LRRC4C: variants seen among roughly 807,000 people sequenced by gnomAD.
LRRC4C encodes the protein leucine-rich repeat-containing protein 4C.
In LRRC4C, 5 loss-of-function variants were observed where a neutral mutation model predicts 33.6. That is an observed-to-expected ratio of 0.15 (90% CI 0.08 to 0.31). The LOEUF is 0.31. Ranked by LOEUF, LRRC4C falls within the 10% of genes least tolerant of loss-of-function variation. The pLI is 1.00. For missense variants in LRRC4C, 560 were observed against 796.7 expected (o/e 0.70, Z 3.58); for synonymous variants, 329 against 302.0 (o/e 1.09, Z -0.93).
intron 2 of LRRC4C, among the ~76,000 whole-genome samples, chr11:40,650,442 C>T (rs1359289793): frequency 6.6e-6 from 1 of 152,150 alleles, no homozygotes; most frequent in Admixed American, 6.5e-5. Context: ...AGTAACCAAT[C>T]TTCTTTTATG....
chr11:40,305,609 C>CAA (rs78364325), intron 4 of LRRC4C, among the ~76,000 whole-genome samples: 2 of 96,456 alleles, frequency 2.1e-5, no homozygotes, highest in Admixed American at 1.1e-4. Flanking sequence ...TTGTCAAATA[C>CAA]AAAAAAAAAA....
intron 1 of LRRC4C, among the ~76,000 whole-genome samples, chr11:41,225,082 T>C (rs1008801143): frequency 6.6e-6 from 1 of 151,908 alleles, no homozygotes; most frequent in African/African-American, 2.4e-5. Flanking sequence ...ATCAAAACAT[T>C]TTGAACACAT....
chr11:41,268,334 G>A (rs1024900342), intron 1 of LRRC4C, among the ~76,000 whole-genome samples: 3 of 152,084 alleles, frequency 2.0e-5, no homozygotes, highest in East Asian at 3.9e-4. Context: ...CTTGATCACA[G>A]CCTTGCAGAG....
At chr11:40,181,251 TACCATGCATAAC>T (rs1441238607) in intron 5 of LRRC4C, among the ~76,000 whole-genome samples, 4 of 152,068 alleles carry the variant, frequency 2.6e-5, no homozygotes, top group Admixed American at 6.5e-5. Context: ...CCCATTTGAG[TACCATGCATAAC>T]ACCACATATA....
intron 2 of LRRC4C, among the ~76,000 whole-genome samples, chr11:40,734,105 C>A (rs1012505324): frequency 6.6e-6 from 1 of 151,990 alleles, no homozygotes; most frequent in Non-Finnish European, 1.5e-5. Flanking sequence ...TTATAATGAA[C>A]CACAGTGTAA....
chr11:40,421,850 T>C (rs1196443729), intron 3 of LRRC4C, among the ~76,000 whole-genome samples: 1 of 152,150 alleles, frequency 6.6e-6, no homozygotes, highest in Non-Finnish European at 1.5e-5. Context: ...AGAGGGAAAA[T>C]TGGACCAAAA....
At chr11:40,460,290 C>T (rs145035254) in intron 3 of LRRC4C, among the ~76,000 whole-genome samples, 13 of 151,774 alleles carry the variant, frequency 8.6e-5, no homozygotes, top group Admixed American at 1.3e-4. Context: ...TTGAAAGGAA[C>T]GGAGGGATTT....
intron 1 of LRRC4C, among the ~76,000 whole-genome samples, chr11:41,108,263 G>T (rs114386342): frequency 2.0e-5 from 3 of 151,872 alleles, no homozygotes; most frequent in Non-Finnish European, 4.4e-5. Context: ...ATGTCCACAC[G>T]CCCATTTTCA....
chr11:40,945,260 T>C lies in LRRC4C; in HGVS notation c.-495-11537A>G, dbSNP rs1035152840. On this transcript the variant is annotated intron_variant, in intron 1 of 6. Transcript: ENST00000528697. ...TGGTCTCGATCTCCTGACCTCGTGA[T>C]CCACCCGTCTCGGCCTCCCAAAGTG... 8.6e-5 allele frequency among the ~76,000 whole-genome samples: 13 copies of C among 151,952 alleles called. No homozygotes were observed. In the East Asian group the frequency reaches 2.5e-3, roughly 30 times the overall value.
chr11:40,599,304 C>T (rs1959721018), intron 3 of LRRC4C, among the ~76,000 whole-genome samples: 1 of 151,720 alleles, frequency 6.6e-6, no homozygotes, highest in African/African-American at 2.4e-5. Flanking sequence ...AAAAAAAAAT[C>T]ACCAGGTTTC....
intron 3 of LRRC4C, among the ~76,000 whole-genome samples, chr11:40,541,547 G>A (rs1956707559): frequency 2.6e-5 from 4 of 152,048 alleles, no homozygotes; most frequent in Admixed American, 2.6e-4. Flanking sequence ...CCTTGCCTTG[G>A]GACTGGGTGG....
chr11:40,765,619 C>G (rs1208645819), intron 2 of LRRC4C, among the ~76,000 whole-genome samples: 3 of 151,770 alleles, frequency 2.0e-5, no homozygotes, highest in Admixed American at 1.3e-4. Flanking sequence ...ATAAATTTAA[C>G]AAAGTGATTA....
chr11:41,024,715 C>T (rs7125511), intron 1 of LRRC4C, among the ~76,000 whole-genome samples: 108,790 of 151,474 alleles, frequency 0.72, 39,366 homozygotes, highest in South Asian at 0.78. Flanking sequence ...TTCCCTGTTT[C>T]GTCTATAAAA....
At chr11:40,833,559 T>C (rs1952516186) in intron 2 of LRRC4C, among the ~76,000 whole-genome samples, 1 of 152,096 alleles carries the variant, frequency 6.6e-6, no homozygotes, top group Non-Finnish European at 1.5e-5. Context: ...CCTCATTTCA[T>C]TGCACCCAAG....
chr11:40,194,108 G>T (rs891436888), intron 5 of LRRC4C, among the ~76,000 whole-genome samples: 24 of 152,096 alleles, frequency 1.6e-4, no homozygotes, highest in African/African-American at 5.8e-4. Flanking sequence ...TACAGAGAAC[G>T]CCACAAAGAT....
chr11:41,381,334 T>A (rs973892255), intron 1 of LRRC4C, among the ~76,000 whole-genome samples: 1 of 152,064 alleles, frequency 6.6e-6, no homozygotes, highest in African/African-American at 2.4e-5. Flanking sequence ...TCAATATAGT[T>A]AAAGAACAAT....
At chr11:40,402,135 A>G (rs1949783380) in intron 3 of LRRC4C, among the ~76,000 whole-genome samples, 1 of 152,118 alleles carries the variant, frequency 6.6e-6, no homozygotes, top group Non-Finnish European at 1.5e-5. Flanking sequence ...AAAAGGGTTC[A>G]AAGACATGTC....
intron 3 of LRRC4C, among the ~76,000 whole-genome samples, chr11:40,535,920 A>T (rs998143336): frequency 1.1e-4 from 16 of 152,190 alleles, no homozygotes; most frequent in African/African-American, 3.6e-4. Flanking sequence ...TATTTTGCAG[A>T]CGCTATGCAT....
chr11:41,432,447 T>C (rs1262208366), intron 1 of LRRC4C, among the ~76,000 whole-genome samples: 1 of 152,106 alleles, frequency 6.6e-6, no homozygotes. Context: ...AATGCTTTCC[T>C]GGGTAGAAAA....
Sources: allele counts gnomAD v4.1 joint callset (sites outside exome capture counted in the v4.1 genomes callset), GRCh38; gene constraint gnomAD v4.1.1; transcripts MANE v1.5; gene names NCBI Gene and HGNC (gene_info 2026-07-23, HGNC 2026-07-21).